Variants in DEFB119 observed in about 807,000 individuals in gnomAD.
DEFB119 encodes the protein beta-defensin 119.
Under a neutral mutation model 2.5 loss-of-function variants are expected in DEFB119, and 3 were observed. The observed-to-expected ratio is 1.19, with a 90% CI of 0.54 to 3.07. The LOEUF (loss-of-function observed/expected upper bound fraction) is 3.07. Among genes scored for constraint, DEFB119 ranks in the 30% most tolerant of loss-of-function variants. The probability of loss-of-function intolerance (pLI) is 0.03; values close to 1 mark genes in which losing one functional copy is unlikely to be tolerated. For synonymous variants in DEFB119, 29 were observed against 33.7 expected (o/e 0.86, Z 0.48); for missense variants, 113 against 101.1 (o/e 1.12, Z -0.50).
At chr20:31,380,702 T>G (rs1182016989) in intron 1 of DEFB119, among the ~76,000 whole-genome samples, 1 of 152,164 alleles carries the variant, frequency 6.6e-6, no homozygotes, top group Non-Finnish European at 1.5e-5. Context: ...AATGAATTGC[T>G]TTTGCACCTC....
intron 1 of DEFB119, among the ~76,000 whole-genome samples, chr20:31,382,370 G>A (rs542300563): frequency 6.6e-6 from 1 of 152,130 alleles, no homozygotes; most frequent in Non-Finnish European, 1.5e-5. Flanking sequence ...CCTGGGGCAA[G>A]TTTCTGCACC....
At chr20:31,388,206 G>A (rs929818805) in intron 1 of DEFB119, 25 of 983,850 alleles carry the variant, frequency 2.5e-5, no homozygotes, top group Admixed American at 6.2e-5. Context: ...CAATTCAAAT[G>A]AGACAGGCTT....
chr20:31,388,329 A>T (rs1986789133), intron 1 of DEFB119: 3 of 985,232 alleles, frequency 3.0e-6, no homozygotes, highest in Non-Finnish European at 3.6e-6. Context: ...TTACCTTTGC[A>T]TTATTATGTC....
chr20:31,388,408 G>T, intron 1 of DEFB119: 1 of 776,072 alleles, frequency 1.3e-6, no homozygotes, highest in South Asian at 5.8e-5. Flanking sequence ...GGAAGATGAA[G>T]TTCTGAGAGG....
intron 1 of DEFB119, among the ~76,000 whole-genome samples, chr20:31,380,947 A>G (rs905622083): frequency 9.9e-5 from 15 of 152,194 alleles, no homozygotes; most frequent in South Asian, 2.1e-4. Context: ...AGACAGAATA[A>G]TCTGGTCTAT....
At chr20:31,379,900 C>T (rs546141673) in intron 1 of DEFB119, among the ~76,000 whole-genome samples, 19 of 152,196 alleles carry the variant, frequency 1.2e-4, no homozygotes, top group Non-Finnish European at 2.2e-4. Context: ...TTCCTGACCT[C>T]GTGATCTGCC....
chr20:31,381,048 G>C (rs1238382482), intron 1 of DEFB119, among the ~76,000 whole-genome samples: 1 of 152,172 alleles, frequency 6.6e-6, no homozygotes, highest in Non-Finnish European at 1.5e-5. Flanking sequence ...TACAAGATAG[G>C]AAGATGGTGT....
At chr20:31,384,491 A>G (rs1448324193) in intron 1 of DEFB119, among the ~76,000 whole-genome samples, 1 of 152,238 alleles carries the variant, frequency 6.6e-6, no homozygotes, top group African/African-American at 2.4e-5. Context: ...AAAAAAGTAA[A>G]CTATAAGAAG....
At chr20:31,386,474 C>G (rs945326344) in intron 1 of DEFB119, among the ~76,000 whole-genome samples, 3 of 152,174 alleles carry the variant, frequency 2.0e-5, no homozygotes, top group Non-Finnish European at 4.4e-5. Flanking sequence ...CAATGGAATA[C>G]TATTCGGCCA....
In DEFB119 at chr20:31,386,877, G is replaced by C. The variant is rs1316388880; in HGVS notation, c.61+3546C>G. ...CGCCCAGGCTGGAGTGCAGTGGCGG[G>C]ATCTCGGCTCACTGCAAGCTCCGCC... On this transcript the variant is annotated intron_variant, in intron 1 of 1. Transcript: ENST00000376321. Among the ~76,000 whole-genome samples the C allele has an allele frequency of 5.4e-5, 8 of 149,008 alleles. No homozygotes were observed. The East Asian group carries it at 1.6e-3, about 29-fold the overall frequency.
chr20:31,388,193 T>C (rs1194085723), intron 1 of DEFB119: 1 of 983,638 alleles, frequency 1.0e-6, no homozygotes, highest in Non-Finnish European at 1.2e-6. Context: ...CCAGCTAAAG[T>C]ACCAATTCAA....
At chr20:31,378,213 C>A (rs1986372936) in intron 1 of DEFB119, 1 of 1,343,062 alleles carries the variant, frequency 7.4e-7, no homozygotes, top group Admixed American at 1.9e-5. Context: ...AGTGCAGAGT[C>A]AAGACTTTCA....
chr20:31,378,302 C>G (rs751222704), intron 1 of DEFB119: 1 of 1,613,898 alleles, frequency 6.2e-7, no homozygotes, highest in East Asian at 2.2e-5. Flanking sequence ...CATCCCTCCC[C>G]ATCCCAACCA....
At chr20:31,383,645 C>T (rs1986584682) in intron 1 of DEFB119, among the ~76,000 whole-genome samples, 1 of 151,584 alleles carries the variant, frequency 6.6e-6, no homozygotes, top group Non-Finnish European at 1.5e-5. Flanking sequence ...ACCATCCTGG[C>T]TAACACGGTG....
At position 31,377,248 on chromosome 20, in the gene DEFB119, A is replaced by G; in HGVS notation, c.253T>C (p.Ter85ArgextTer?). The change falls in exon 2 of 2, where the codon TGA (stop) becomes CGA (arginine). Residue 85 changes from the stop codon to arginine (R), a stop_lost. Transcript: ENST00000376321. ...SYEKQWPRLP[*>R] is the part of the protein sequence containing the mutation. ...TTGAGAATGGTAATCACCAGCACTC[A>G]AGGTAGTCTTGGCCACTGCTTCTCA... The G allele has an allele frequency of 6.2e-7, 1 of 1,610,020 alleles. No homozygotes were observed. Among genetic ancestry groups the G allele is most frequent in the Non-Finnish European group, 8.5e-7 (1 of 1,178,152 alleles).
In DEFB119 at chr20:31,389,131, C is replaced by T. The variant is rs141277245; in HGVS notation, c.61+1292G>A. On this transcript the variant is annotated intron_variant, in intron 1 of 1. Coordinates refer to ENST00000376321, the MANE Select transcript of DEFB119 (RefSeq NM_153289.4). ...TGTTACTGGTTGGATTGTTAAATAACGACTAGGAACACAGCACCGTTTACG... is the reference window on the plus strand; with the variant it reads ...TGTTACTGGTTGGATTGTTAAATAATGACTAGGAACACAGCACCGTTTACG... 164 of 1,614,076 alleles carry T rather than the reference C, an allele frequency of 1.0e-4. 1 individual carries two copies. Among genetic ancestry groups the T allele is most frequent in the Middle Eastern group, 3.3e-4 (2 of 6,084 alleles).
At chr20:31,386,354 A>G (rs1303319722) in intron 1 of DEFB119, among the ~76,000 whole-genome samples, 2 of 152,214 alleles carry the variant, frequency 1.3e-5, no homozygotes, top group Non-Finnish European at 2.9e-5. Flanking sequence ...GAGAAGCAGC[A>G]AAACTGTGAA....
chr20:31,378,015 G>C (rs1391060678), intron 1 of DEFB119, among the ~76,000 whole-genome samples: 1 of 152,198 alleles, frequency 6.6e-6, no homozygotes, highest in Non-Finnish European at 1.5e-5. Flanking sequence ...GCTGTAAGGA[G>C]GTGTAACCTC....
intron 1 of DEFB119, among the ~76,000 whole-genome samples, chr20:31,382,628 C>T (rs142020475): frequency 0.011 from 1,603 of 152,336 alleles, 5 homozygotes; most frequent in Non-Finnish European, 0.016. Context: ...GTCCTCTGCT[C>T]CCTCCAGCCC....
Sources: allele counts gnomAD v4.1 joint callset (sites outside exome capture counted in the v4.1 genomes callset), GRCh38; gene constraint gnomAD v4.1.1; transcripts MANE v1.5; gene names NCBI Gene and HGNC (gene_info 2026-07-23, HGNC 2026-07-21).